The following SNTB2 variants were observed in gnomAD, a reference collection of about 807,000 sequenced individuals.
SNTB2 encodes syntrophin beta 2.
In SNTB2, 34 loss-of-function variants were observed where a neutral mutation model predicts 46.2. The ratio of observed to expected loss-of-function variants is 0.74; its 90% CI spans 0.56 to 0.98. SNTB2 has a LOEUF of 0.98. Among genes scored for constraint, SNTB2 ranks in the 50% least tolerant of loss-of-function variants. SNTB2 has a pLI of 0.00. For missense variants in SNTB2, 603 were observed against 731.4 expected (o/e 0.82, Z 2.02); for synonymous variants, 290 against 312.6 (o/e 0.93, Z 0.76).
At chr16:69,275,010 C>T (rs543302538) in intron 4 of SNTB2, among the ~76,000 whole-genome samples, 30 of 151,560 alleles carry the variant, frequency 2.0e-4, no homozygotes, top group African/African-American at 6.0e-4. Flanking sequence ...CCTTCCCTCC[C>T]TTCCCTTCCC....
intron 4 of SNTB2, among the ~76,000 whole-genome samples, chr16:69,276,606 A>G (rs1014400507): frequency 6.6e-6 from 1 of 152,204 alleles, no homozygotes. Context: ...TTTAATTGGC[A>G]TGTTGGTTTT....
At chr16:69,228,505 CAAAAAAA>C (rs778681180) in intron 1 of SNTB2, among the ~76,000 whole-genome samples, 25 of 50,186 alleles carry the variant, frequency 5.0e-4, no homozygotes, top group African/African-American at 1.5e-3. Context: ...GACTCTATCT[CAAAAAAA>C]AAAAAAAAAA....
At chr16:69,256,908 G>A (rs1280036768) in intron 2 of SNTB2, among the ~76,000 whole-genome samples, 1 of 152,120 alleles carries the variant, frequency 6.6e-6, no homozygotes, top group Non-Finnish European at 1.5e-5. Context: ...AGTGGCTCAC[G>A]CCTGTAATAC....
chr16:69,300,970 T>C lies in SNTB2; in HGVS notation c.*46T>C. ...AGCCTTGACTGTCACAAGAAATATT[T>C]CCACCTCAAAAAAAAAAAAGCACAA... On this transcript the variant is annotated 3_prime_UTR_variant, in exon 7 of 7. Transcript: ENST00000336278. 8.2e-7 allele frequency: 1 copy of C among 1,212,424 alleles called. No individual in the cohort carries two copies. The highest frequency in any genetic ancestry group is 1.2e-6 in the Non-Finnish European group (1 of 836,130). 75.1% of individuals were successfully genotyped at this position (1,212,424 alleles called of 1,614,324 possible).
chr16:69,195,070 T>C (rs1964090823), intron 1 of SNTB2, among the ~76,000 whole-genome samples: 1 of 152,162 alleles, frequency 6.6e-6, no homozygotes, highest in Non-Finnish European at 1.5e-5. Flanking sequence ...ATTTTGAACA[T>C]CACATTTCTA....
chr16:69,213,983 G>A (rs1597174868), intron 1 of SNTB2, among the ~76,000 whole-genome samples: 4 of 148,796 alleles, frequency 2.7e-5, no homozygotes, highest in Admixed American at 2.0e-4. Flanking sequence ...CACCATGCCC[G>A]GCTAATTTTT....
chr16:69,271,336 A>G (rs1964935392), intron 4 of SNTB2, among the ~76,000 whole-genome samples: 1 of 152,170 alleles, frequency 6.6e-6, no homozygotes, highest in South Asian at 2.1e-4. Context: ...AGTCCTGCAG[A>G]AAGACTGAAT....
chr16:69,251,483 A>C (rs1363510766), intron 2 of SNTB2, among the ~76,000 whole-genome samples: 6 of 149,372 alleles, frequency 4.0e-5, no homozygotes, highest in African/African-American at 1.5e-4. Context: ...AAAAAAAAAA[A>C]AAAAAAAAAA....
chr16:69,198,391 G>T (rs1416553815), intron 1 of SNTB2, among the ~76,000 whole-genome samples: 2 of 152,116 alleles, frequency 1.3e-5, no homozygotes, highest in African/African-American at 4.8e-5. Context: ...TTACAGATGT[G>T]AGTCCTCATG....
intron 4 of SNTB2, among the ~76,000 whole-genome samples, chr16:69,279,266 G>A (rs1403661628): frequency 6.6e-6 from 1 of 152,082 alleles, no homozygotes; most frequent in Non-Finnish European, 1.5e-5. Flanking sequence ...GCTTCATGTA[G>A]TATTTGTCTT....
chr16:69,278,961 C>T (rs1214367460), intron 4 of SNTB2, among the ~76,000 whole-genome samples: 2 of 149,618 alleles, frequency 1.3e-5, no homozygotes, highest in African/African-American at 4.9e-5. Context: ...GTGCTCGCTT[C>T]GGCAGCACAT....
At chr16:69,208,092 CAGTG>C (rs1224591015) in intron 1 of SNTB2, among the ~76,000 whole-genome samples, 1 of 128,976 alleles carries the variant, frequency 7.8e-6, no homozygotes, top group African/African-American at 3.1e-5. Flanking sequence ...CTGGGTGACA[CAGTG>C]AGACTTCATC....
At chr16:69,257,132 C>T (rs531615672) in intron 2 of SNTB2, among the ~76,000 whole-genome samples, 1 of 148,760 alleles carries the variant, frequency 6.7e-6, no homozygotes, top group African/African-American at 2.5e-5. Context: ...GATCGTGCCA[C>T]TGTACTCCAG....
At chr16:69,261,851 T>G (rs1170440481) in intron 3 of SNTB2, among the ~76,000 whole-genome samples, 1 of 152,200 alleles carries the variant, frequency 6.6e-6, no homozygotes, top group African/African-American at 2.4e-5. Flanking sequence ...CCTTTTGCCC[T>G]GGAAAGGTAA....
At chr16:69,238,242 A>G (rs966105015) in intron 1 of SNTB2, among the ~76,000 whole-genome samples, 3 of 152,156 alleles carry the variant, frequency 2.0e-5, no homozygotes, top group Non-Finnish European at 4.4e-5. Flanking sequence ...GGTCAGTGCA[A>G]TCTGGCTGAA....
chr16:69,196,348 A>T (rs1489924248), intron 1 of SNTB2, among the ~76,000 whole-genome samples: 1 of 151,330 alleles, frequency 6.6e-6, no homozygotes, highest in Non-Finnish European at 1.5e-5. Flanking sequence ...GCTCTTTATG[A>T]TCACAACTTT....
intron 1 of SNTB2, among the ~76,000 whole-genome samples, chr16:69,229,781 G>A (rs1480007085): frequency 6.9e-6 from 1 of 144,542 alleles, no homozygotes; most frequent in Non-Finnish European, 1.5e-5. Flanking sequence ...GGCAGAGGTT[G>A]CAGTGAGCCA....
At chr16:69,263,449 G>A (rs985943379) in intron 3 of SNTB2, among the ~76,000 whole-genome samples, 43 of 143,646 alleles carry the variant, frequency 3.0e-4, no homozygotes, top group African/African-American at 9.6e-4. Context: ...ACGGAGTTTC[G>A]CTCTTGTTGC....
chr16:69,218,277 C>T (rs1346404280), intron 1 of SNTB2, among the ~76,000 whole-genome samples: 1 of 152,136 alleles, frequency 6.6e-6, no homozygotes, highest in African/African-American at 2.4e-5. Context: ...TCCACATATC[C>T]AAAGCTGCTC....
Sources: allele counts gnomAD v4.1 joint callset (sites outside exome capture counted in the v4.1 genomes callset), GRCh38; gene constraint gnomAD v4.1.1; transcripts MANE v1.5; gene names NCBI Gene and HGNC (gene_info 2026-07-23, HGNC 2026-07-21).